Variants in ABL1 observed in about 807,000 individuals in gnomAD.
ABL1 encodes the protein ABL proto-oncogene 1, non-receptor tyrosine kinase, also known as tyrosine-protein kinase ABL1.
ABL1 carries 11 observed loss-of-function variants against 94.7 expected under a neutral mutation model. The observed-to-expected ratio is 0.12, with a 90% CI of 0.07 to 0.19. The LOEUF is 0.19. Among genes scored for constraint, ABL1 ranks in the 10% least tolerant of loss-of-function variants. The probability of loss-of-function intolerance (pLI) is 1.00; values close to 1 mark genes in which losing one functional copy is unlikely to be tolerated. For synonymous variants in ABL1, 656 were observed against 622.4 expected, an observed-to-expected ratio of 1.05 and a Z score of -0.80; for missense variants, 1,082 against 1,489.4, an observed-to-expected ratio of 0.73 and a Z score of 4.50.
In ABL1 at chr9:130,765,864, A is replaced by G. The variant is rs35005474; in HGVS notation, c.136+51409A>G. Reference sequence around the variant, plus strand: ...ATAGGCAGGTTTTCTTAATCCTGGCAATGACCAAACTAATCACTTGTCTGT... The same window carrying G: ...ATAGGCAGGTTTTCTTAATCCTGGCGATGACCAAACTAATCACTTGTCTGT... On this transcript the variant is annotated intron_variant, in intron 1 of 10. Transcript: ENST00000372348. 9.9e-3 allele frequency among the ~76,000 whole-genome samples: 1,509 copies of G among 152,342 alleles called. 14 individuals carry two copies. The highest frequency in any genetic ancestry group is 0.032 in the Admixed American group (485 of 15,302).
At chr9:130,817,049 C>G (rs1037832195) in intron 1 of ABL1, among the ~76,000 whole-genome samples, 1 of 152,212 alleles carries the variant, frequency 6.6e-6, no homozygotes, top group East Asian at 1.9e-4. Context: ...GCCCTGGCAA[C>G]TGCTGCTCAC....
chr9:130,754,282 G>A (rs1405101156), intron 1 of ABL1, among the ~76,000 whole-genome samples: 1 of 151,276 alleles, frequency 6.6e-6, no homozygotes, highest in Non-Finnish European at 1.5e-5. Flanking sequence ...GCCGAGGCGG[G>A]TGGATTACGA....
At chr9:130,728,960 T>C (rs1588212989) in intron 1 of ABL1, among the ~76,000 whole-genome samples, 1 of 152,208 alleles carries the variant, frequency 6.6e-6, no homozygotes, top group Non-Finnish European at 1.5e-5. Flanking sequence ...AATCTTGTTA[T>C]CTTTCTTTAA....
At chr9:130,846,508 A>G (rs1830774595) in intron 1 of ABL1, among the ~76,000 whole-genome samples, 1 of 152,234 alleles carries the variant, frequency 6.6e-6, no homozygotes, top group African/African-American at 2.4e-5. Context: ...CACGTCTGAC[A>G]TGCTCCATCC....
At chr9:130,854,771 A>G (rs941264264) in intron 2 of ABL1, 30 bp from the exon 3 acceptor site, 2 of 1,590,790 alleles carry the variant, frequency 1.3e-6, no homozygotes, top group Non-Finnish European at 1.7e-6. Context: ...TCCAAAGCTG[A>G]TATGTCTGAT....
intron 1 of ABL1, among the ~76,000 whole-genome samples, chr9:130,801,246 T>C (rs1360196744): frequency 1.3e-5 from 2 of 151,372 alleles, no homozygotes; most frequent in African/African-American, 4.9e-5. Flanking sequence ...CTTTCTTTTT[T>C]TGAGATAGGA....
At chr9:130,790,716 T>C (rs1169792215) in intron 1 of ABL1, among the ~76,000 whole-genome samples, 1 of 151,908 alleles carries the variant, frequency 6.6e-6, no homozygotes, top group Non-Finnish European at 1.5e-5. Context: ...TCAAACACTC[T>C]TTCTGCCTCA....
At position 130,826,586 on chromosome 9, in the gene ABL1, C is replaced by A. The variant is rs1830428508; in HGVS notation, c.137-27478C>A. 1.3e-5 allele frequency among the ~76,000 whole-genome samples: 2 copies of A among 152,010 alleles called. 1 individual carries two copies. The highest frequency in any genetic ancestry group is 4.2e-4 in the South Asian group (2 of 4,818). On this transcript the variant is annotated intron_variant, in intron 1 of 10. Coordinates refer to the ABL1 transcript ENST00000372348. ...CCTTGATTAAGAGTGAGCTGGTTTG[C>A]CTGTAAGAATCTGCGGAAAGGTCAG...
chr9:130,714,605 T>C (rs1335323582), intron 1 of ABL1: 1 of 1,081,662 alleles, frequency 9.2e-7, no homozygotes, highest in Middle Eastern at 2.0e-4. Flanking sequence ...GGAACTTTCT[T>C]TGTATAAGAA....
chr9:130,790,492 T>G (rs1829894897), intron 1 of ABL1, among the ~76,000 whole-genome samples: 1 of 137,652 alleles, frequency 7.3e-6, no homozygotes, highest in African/African-American at 2.9e-5. Flanking sequence ...TTTATTTATT[T>G]ATTTATTTAG....
At chr9:130,859,039 A>G (rs948502059) in intron 3 of ABL1, among the ~76,000 whole-genome samples, 1 of 152,190 alleles carries the variant, frequency 6.6e-6, no homozygotes, top group Non-Finnish European at 1.5e-5. Context: ...GACAGGCTCA[A>G]ACATCTCTGG....
intron 4 of ABL1, among the ~76,000 whole-genome samples, chr9:130,870,109 G>A (rs1015469731): frequency 2.6e-5 from 4 of 152,328 alleles, no homozygotes; most frequent in African/African-American, 7.2e-5. Context: ...CACCACACTC[G>A]GCCAGCTGTT....
At chr9:130,868,043 T>G (rs990252984) in intron 4 of ABL1, among the ~76,000 whole-genome samples, 1 of 151,294 alleles carries the variant, frequency 6.6e-6, no homozygotes, top group South Asian at 2.1e-4. Flanking sequence ...CACCGCAAGC[T>G]CCACCTCCCG....
intron 1 of ABL1, among the ~76,000 whole-genome samples, chr9:130,761,481 C>T (rs543083869): frequency 4.6e-5 from 7 of 152,238 alleles, no homozygotes; most frequent in South Asian, 4.2e-4. Context: ...TTATTCAGAC[C>T]GGAAGGAGGA....
intron 1 of ABL1, among the ~76,000 whole-genome samples, chr9:130,733,118 G>C (rs1418887416): frequency 6.6e-6 from 1 of 152,118 alleles, no homozygotes; most frequent in African/African-American, 2.4e-5. Flanking sequence ...TTGGATCTTG[G>C]GTTGGTTTAC....
intron 4 of ABL1, among the ~76,000 whole-genome samples, chr9:130,868,412 C>T (rs752365796): frequency 1.3e-5 from 2 of 152,008 alleles, no homozygotes; most frequent in African/African-American, 2.4e-5. Flanking sequence ...ACTGATCTAT[C>T]TGTAGATAAT....
At chr9:130,778,526 G>A (rs1341455179) in intron 1 of ABL1, among the ~76,000 whole-genome samples, 1 of 152,030 alleles carries the variant, frequency 6.6e-6, no homozygotes, top group African/African-American at 2.4e-5. Context: ...GTTTTCCCCC[G>A]CCCTCTGTGT....
At position 130,878,522 on chromosome 9, in the gene ABL1, C is replaced by T. The variant is rs746156716; in HGVS notation, c.1378C>T (p.Arg460Cys). 6.2e-6 allele frequency: 10 copies of T among 1,614,084 alleles called. No homozygotes were observed. The highest frequency in any genetic ancestry group is 5.3e-5 in the African/African-American group (4 of 74,930). The change falls in exon 8 of 11, where the codon CGC becomes TGC. Residue 460 changes from arginine to cysteine, a missense_variant. By Grantham distance (180) the Arg-to-Cys change is radical. Coordinates refer to ENST00000318560, the MANE Select transcript of ABL1 (RefSeq NM_005157.6). Reference sequence around the variant, plus strand: ...GCTAGAGAAGGACTACCGCATGGAGCGCCCAGAAGGCTGCCCAGAGAAGGT... The same window carrying T: ...GCTAGAGAAGGACTACCGCATGGAGTGCCCAGAAGGCTGCCCAGAGAAGGT... Reference protein sequence around the residue: ...ELLEKDYRMERPEGCPEKVYE... With the variant: ...ELLEKDYRMECPEGCPEKVYE...
chr9:130,826,144 T>A (rs1830421263), intron 1 of ABL1, among the ~76,000 whole-genome samples: 1 of 148,120 alleles, frequency 6.8e-6, no homozygotes, highest in African/African-American at 2.6e-5. Flanking sequence ...AAAATGACAA[T>A]AAAAAGATTT....
Sources: allele counts gnomAD v4.1 joint callset (sites outside exome capture counted in the v4.1 genomes callset), GRCh38; gene constraint gnomAD v4.1.1; transcripts MANE v1.5; gene names NCBI Gene and HGNC (gene_info 2026-07-23, HGNC 2026-07-21).